The following RFX3 variants were observed in gnomAD, a reference collection of about 807,000 sequenced individuals.
The protein encoded by RFX3 is transcription factor RFX3.
In RFX3, 14 loss-of-function variants were observed where a neutral mutation model predicts 98.6. That is an observed-to-expected ratio of 0.14 (90% CI 0.09 to 0.22). RFX3 has a LOEUF of 0.22. Ranked by LOEUF, RFX3 falls within the 10% of genes least tolerant of loss-of-function variation. The pLI, the probability that RFX3 is intolerant of heterozygous loss-of-function variation, is 1.00. For missense variants in RFX3, 639 were observed against 926.9 expected (o/e 0.69, Z 4.03); for synonymous variants, 383 against 328.4 (o/e 1.17, Z -1.80).
At chr9:3,514,654 G>A (rs12335793) in intron 1 of RFX3, among the ~76,000 whole-genome samples, 1,681 of 152,164 alleles carry the variant, frequency 0.011, 30 homozygotes, top group African/African-American at 0.039. Context: ...TCACTATGTT[G>A]CCCACACTAG....
intron 12 of RFX3, among the ~76,000 whole-genome samples, chr9:3,263,773 G>A (rs953907831): frequency 1.3e-5 from 2 of 152,120 alleles, no homozygotes; most frequent in East Asian, 1.9e-4. Flanking sequence ...GATCCGAATG[G>A]ACCACATTAA....
intron 1 of RFX3, among the ~76,000 whole-genome samples, chr9:3,516,497 ATATGAGAC>A (rs1202052057): frequency 5.9e-5 from 9 of 152,236 alleles, no homozygotes; most frequent in African/African-American, 1.9e-4. Context: ...CGATGGAAAA[ATATGAGAC>A]TAGTGTGGAG....
At chr9:3,277,143 G>A (rs1019740163) in intron 8 of RFX3, among the ~76,000 whole-genome samples, 197 bp downstream of exon 8, 4 of 151,900 alleles carry the variant, frequency 2.6e-5, no homozygotes, top group African/African-American at 4.8e-5. Flanking sequence ...TATATAGCTC[G>A]AGATTTTTAA....
At chr9:3,265,008 T>C (rs1367543272) in intron 12 of RFX3, among the ~76,000 whole-genome samples, 1 of 152,216 alleles carries the variant, frequency 6.6e-6, no homozygotes, top group Non-Finnish European at 1.5e-5. Context: ...GGCCACCTTC[T>C]TTCTTGCACA....
intron 2 of RFX3, among the ~76,000 whole-genome samples, chr9:3,393,545 C>T: frequency 6.8e-6 from 1 of 147,208 alleles, no homozygotes; most frequent in African/African-American, 2.6e-5. Context: ...AAAAAGATAA[C>T]TGTTATCTTT....
At chr9:3,277,968 A>T (rs569964295) in intron 7 of RFX3, among the ~76,000 whole-genome samples, 1 of 152,106 alleles carries the variant, frequency 6.6e-6, no homozygotes, top group South Asian at 2.1e-4. Context: ...ATCTCAACAC[A>T]TTTATCTCCA....
At chr9:3,493,479 T>A (rs1379505196) in intron 1 of RFX3, among the ~76,000 whole-genome samples, 1 of 151,800 alleles carries the variant, frequency 6.6e-6, no homozygotes. Flanking sequence ...GGTCAGGAGA[T>A]CGAGACCATT....
rs533986916 is a variant in RFX3, at chr9:3,436,500, G to A, written c.-8-40904C>T. Among the ~76,000 whole-genome samples, 24 of 152,102 alleles carry A rather than the reference G, an allele frequency of 1.6e-4. No individual in the cohort carries two copies. The East Asian group carries it at 2.9e-3, about 18-fold the overall frequency. ...AGATAAACACTATCAACAGATAAGA[G>A]TATTTATGTCAAAACTAATATACCT... On this transcript the variant is annotated intron_variant, in intron 1 of 16. Coordinates refer to ENST00000617270, the MANE Select transcript of RFX3 (RefSeq NM_001282116.2).
intron 15 of RFX3, among the ~76,000 whole-genome samples, chr9:3,233,519 C>T (rs1464566290): frequency 6.6e-6 from 1 of 152,094 alleles, no homozygotes; most frequent in Non-Finnish European, 1.5e-5. Context: ...AGACAGCAAA[C>T]AGGTGGGGAT....
At chr9:3,490,501 A>G (rs1253087882) in intron 1 of RFX3, among the ~76,000 whole-genome samples, 2 of 152,128 alleles carry the variant, frequency 1.3e-5, no homozygotes, top group Non-Finnish European at 2.9e-5. Context: ...TCTTCACATG[A>G]ATGCACTGAT....
chr9:3,267,505 C>T (rs895148949), intron 11 of RFX3, among the ~76,000 whole-genome samples: 1 of 151,810 alleles, frequency 6.6e-6, no homozygotes, highest in Non-Finnish European at 1.5e-5. Flanking sequence ...TAAATTTTCC[C>T]ATTCCAATAA....
chr9:3,338,879 G>T (rs1833523288), intron 3 of RFX3, among the ~76,000 whole-genome samples: 1 of 152,096 alleles, frequency 6.6e-6, no homozygotes, highest in African/African-American at 2.4e-5. Flanking sequence ...CACAAGGTCA[G>T]GAGTTCGAGA....
intron 1 of RFX3, among the ~76,000 whole-genome samples, chr9:3,502,024 G>A (rs946514690): frequency 1.3e-4 from 19 of 151,746 alleles, no homozygotes; most frequent in African/African-American, 4.6e-4. Flanking sequence ...GGCCGAGGCG[G>A]GCGGATCACG....
At chr9:3,437,585 T>C (rs115051653) in intron 1 of RFX3, among the ~76,000 whole-genome samples, 4,058 of 152,152 alleles carry the variant, frequency 0.027, 203 homozygotes, top group African/African-American at 0.093. Flanking sequence ...TTATTTTTCT[T>C]CAGTACTAGG....
intron 1 of RFX3, among the ~76,000 whole-genome samples, chr9:3,427,918 G>A (rs1231655920): frequency 6.6e-6 from 1 of 151,994 alleles, no homozygotes; most frequent in Non-Finnish European, 1.5e-5. Context: ...TGCTTCAACA[G>A]GCCTAGATTC....
intron 1 of RFX3, among the ~76,000 whole-genome samples, chr9:3,433,090 G>A (rs542812314): frequency 6.6e-6 from 1 of 152,140 alleles, no homozygotes; most frequent in African/African-American, 2.4e-5. Flanking sequence ...CAAAAAGGCG[G>A]CCCCATACAT....
chr9:3,491,593 A>T (rs1850720940), intron 1 of RFX3, among the ~76,000 whole-genome samples: 1 of 152,284 alleles, frequency 6.6e-6, no homozygotes, highest in East Asian at 1.9e-4. Flanking sequence ...ATTTTAGGCC[A>T]GTCTACAGTC....
intron 2 of RFX3, among the ~76,000 whole-genome samples, chr9:3,355,281 A>T (rs1563976884): frequency 6.6e-6 from 1 of 151,882 alleles, no homozygotes. Context: ...AGTGGGTAAA[A>T]ATGGGTGAGA....
At chr9:3,252,623 GAGA>G (rs1367813697) in intron 14 of RFX3, among the ~76,000 whole-genome samples, 1 of 152,160 alleles carries the variant, frequency 6.6e-6, no homozygotes, top group Non-Finnish European at 1.5e-5. Flanking sequence ...AGTGAGCAAA[GAGA>G]AGAATACCTG....
Sources: gnomAD v4.1 joint callset for allele counts (sites outside exome capture counted in the v4.1 genomes callset) on GRCh38, gnomAD v4.1.1 for gene constraint, MANE v1.5 for transcripts, NCBI Gene and HGNC (gene_info 2026-07-23, HGNC 2026-07-21) for gene names.